Variants in RBPJL observed in about 807,000 individuals in gnomAD.
RBPJL encodes recombination signal binding protein for immunoglobulin kappa J region like, also known as recombining binding protein suppressor of hairless-like protein.
A neutral mutation model predicts 57.6 loss-of-function variants in RBPJL; 50 were observed. The ratio of observed to expected loss-of-function variants is 0.87; its 90% CI spans 0.69 to 1.10. The LOEUF is 1.10. Ranked by LOEUF, RBPJL falls within the 50% of genes least tolerant of loss-of-function variation. The pLI is 0.00. For missense variants in RBPJL, 684 were observed against 693.7 expected (o/e 0.99, Z 0.16); for synonymous variants, 303 against 294.4 (o/e 1.03, Z -0.30).
rs774699511 is a variant in RBPJL, at chr20:45,316,162, C to T, written c.1021-25C>T. The stretch of plus-strand genomic sequence containing the variant: ...GGTGGCCACCATGAGAAGCTTCGGC[C>T]TCGTCCCCTTGGGTCTCCTCCCAGG... On this transcript the variant is annotated intron_variant, in intron 9 of 11. Transcript: ENST00000343694. 4 of 1,606,002 alleles carry T rather than the reference C, an allele frequency of 2.5e-6. No homozygotes were observed. In the South Asian group the frequency reaches 4.4e-5, roughly 18 times the overall value.
chr20:45,307,727 A>T (rs974342729), intron 1 of RBPJL, among the ~76,000 whole-genome samples: 4 of 152,184 alleles, frequency 2.6e-5, no homozygotes, highest in African/African-American at 9.7e-5. Context: ...CAAACCCCTC[A>T]TTCTACAAAG....
intron 9 of RBPJL, chr20:45,315,818 AAAG>A (rs1163830438): frequency 2.3e-5 from 4 of 176,004 alleles, no homozygotes; most frequent in African/African-American, 9.6e-5. Context: ...AGAAAGAAAG[AAAG>A]AAAAGAAAGA....
At chr20:45,311,189 G>A (rs55744770) in intron 3 of RBPJL, among the ~76,000 whole-genome samples, 2 of 149,622 alleles carry the variant, frequency 1.3e-5, no homozygotes, top group African/African-American at 2.5e-5. Context: ...GAAAGAAAGA[G>A]AGAGGAAGGA....
chr20:45,309,718 G>T (rs1568887880), intron 3 of RBPJL, 26 bp downstream of exon 3: 5 of 1,612,522 alleles, frequency 3.1e-6, no homozygotes, highest in Admixed American at 1.7e-5. Context: ...GCCCCTCCCA[G>T]GTCTCTGCAA....
chr20:45,316,116 G>C (rs968244774), intron 9 of RBPJL, 71 bp from the exon 10 acceptor site: 1 of 1,500,994 alleles, frequency 6.7e-7, no homozygotes, highest in Non-Finnish European at 9.2e-7. Context: ...AAGCCCACGC[G>C]CCATGCTGGC....
Position 45,316,203 on chromosome 20 carries a change from A to G in RBPJL, c.1037A>G (p.Lys346Arg). ...VVQFQASPCPKEANRALLNDS... is the reference protein window; with the variant it reads ...VVQFQASPCPREANRALLNDS... ...TCCTCCCAGGCCTCTCCCTGCCCCA[A>G]GGAGGCGAACAGGGCTCTGCTTAAC... The change falls in exon 10 of 12, where the codon AAG (lysine) becomes AGG (arginine). Residue 346 changes from lysine to arginine, a missense_variant. Lys to Arg is a conservative substitution (Grantham distance 26). Coordinates refer to ENST00000343694, the MANE Select transcript of RBPJL (RefSeq NM_014276.4). 2.5e-6 allele frequency: 4 copies of G among 1,614,042 alleles called. No homozygotes were observed. Among genetic ancestry groups the G allele is most frequent in the Non-Finnish European group, 3.4e-6 (4 of 1,179,898 alleles).
intron 3 of RBPJL, 82 bp from the exon 4 acceptor site, chr20:45,311,507 G>T: frequency 7.4e-7 from 1 of 1,348,116 alleles, no homozygotes; most frequent in African/African-American, 1.4e-5. Flanking sequence ...GTTCTGCTGG[G>T]TTTATGCTAC....
intron 4 of RBPJL, 85 bp from the exon 5 acceptor site, chr20:45,311,754 C>T: frequency 1.3e-6 from 2 of 1,544,040 alleles, no homozygotes; most frequent in South Asian, 2.3e-5. Context: ...GCAGTCTCCC[C>T]GCGCCCTCTG....
intron 4 of RBPJL, 52 bp downstream of exon 4, chr20:45,311,711 G>A (rs1487790351): frequency 1.1e-5 from 18 of 1,599,466 alleles, no homozygotes; most frequent in Non-Finnish European, 1.5e-5. Flanking sequence ...GGAGGACCAC[G>A]AGATTGGGCC....
chr20:45,315,972 A>G (rs941461924), intron 9 of RBPJL: 13 of 403,516 alleles, frequency 3.2e-5, no homozygotes, highest in African/African-American at 2.5e-4. Flanking sequence ...AGAAAGAAGA[A>G]AGAAGAAAGA....
chr20:45,316,025 A>C (rs997102462), intron 9 of RBPJL, 162 bp from the exon 10 acceptor site: 4 of 509,414 alleles, frequency 7.9e-6, no homozygotes, highest in African/African-American at 7.7e-5. Flanking sequence ...GCTAAGTGAG[A>C]GAACTTAAGG....
In RBPJL at chr20:45,314,060, C is replaced by T. The variant is rs775393021; in HGVS notation, c.783C>T (p.Asp261=). 4 of 1,614,126 alleles carry T rather than the reference C, an allele frequency of 2.5e-6. No homozygotes were observed. In the East Asian group the frequency reaches 6.7e-5, roughly 27 times the overall value. The change falls in exon 8 of 12, where the codon GAC becomes GAT. Residue 261 remains aspartate (D), a synonymous_variant. Transcript: ENST00000343694. ...CTGATGGGCACTCTGCCCAAGGAGA[C>T]TTCCCACCGCGAGAGGGCTACGTTC... The part of the protein sequence containing the change: ...HLADGHSAQG[D]FPPREGYVRY...
chr20:45,311,116 C>CAAAAAAAAAAAAA (rs34206228), intron 3 of RBPJL, among the ~76,000 whole-genome samples: 1 of 91,498 alleles, frequency 1.1e-5, no homozygotes. Context: ...GACCCTGCCT[C>CAAAAAAAAAAAAA]AAAAAAAAAA....
At chr20:45,308,306 C>A in intron 2 of RBPJL, 55 bp downstream of exon 2, 3 of 1,224,462 alleles carry the variant, frequency 2.5e-6, no homozygotes, top group Non-Finnish European at 3.6e-6. Context: ...AGCTGGAGCA[C>A]ACAGAGGCAA....
intron 6 of RBPJL, 106 bp from the exon 7 acceptor site, chr20:45,313,362 C>T (rs1186210326): frequency 1.1e-6 from 1 of 877,330 alleles, no homozygotes; most frequent in Admixed American, 2.8e-5. Flanking sequence ...CTCACCCTCA[C>T]CCTAACCCTC....
intron 3 of RBPJL, 69 bp downstream of exon 3, chr20:45,309,761 A>G: frequency 6.3e-7 from 1 of 1,590,960 alleles, no homozygotes; most frequent in Non-Finnish European, 8.6e-7. Context: ...CCATCCACCC[A>G]TTGGGCCTCT....
intron 1 of RBPJL, among the ~76,000 whole-genome samples, chr20:45,307,200 T>C (rs1333558475): frequency 6.6e-6 from 1 of 152,082 alleles, no homozygotes; most frequent in East Asian, 1.9e-4. Context: ...TGAAGCTGTG[T>C]TAGCCATTTT....
chr20:45,307,792 C>T (rs149578203), intron 1 of RBPJL, among the ~76,000 whole-genome samples: 232 of 152,188 alleles, frequency 1.5e-3, no homozygotes, highest in African/African-American at 5.2e-3. Context: ...ATGGCGATGT[C>T]GTGGCAGGAC....
At position 45,317,185 on chromosome 20, in the gene RBPJL, T is replaced by A; in HGVS notation, c.*226T>A. On this transcript the variant is annotated 3_prime_UTR_variant, in exon 12 of 12. Transcript: ENST00000343694. ...CTGAGTGGTGCTGTCTTTGTGTCCG[T>A]CGTGTATGGCTCTCCCTGTCTTCAT... 1 of 585,338 alleles carries A rather than the reference T, an allele frequency of 1.7e-6. No individual in the cohort carries two copies. The highest frequency in any genetic ancestry group is 3.0e-6 in the Non-Finnish European group (1 of 331,534). The allele number at this position is 585,338 out of a possible 1,614,324, so 36.3% of individuals were successfully genotyped here.
Sources: allele counts gnomAD v4.1 joint callset (sites outside exome capture counted in the v4.1 genomes callset), GRCh38; gene constraint gnomAD v4.1.1; transcripts MANE v1.5; gene names NCBI Gene and HGNC (gene_info 2026-07-23, HGNC 2026-07-21).